The following UBE3D variants were observed in gnomAD, a reference collection of about 807,000 sequenced individuals.
UBE3D encodes ubiquitin protein ligase E3D, also known as E3 ubiquitin-protein ligase E3D.
A neutral mutation model predicts 49.6 loss-of-function variants in UBE3D; 48 were observed. The observed-to-expected ratio is 0.97, with a 90% CI of 0.77 to 1.23. The LOEUF is 1.23. Ranked by LOEUF, UBE3D falls within the 50% of genes most tolerant of loss-of-function variation. The probability of loss-of-function intolerance (pLI) is 0.00; values close to 1 mark genes in which losing one functional copy is unlikely to be tolerated. For synonymous variants in UBE3D, 189 were observed against 174.2 expected (o/e 1.08, Z -0.67); for missense variants, 452 against 468.4 (o/e 0.96, Z 0.32).
intron 8 of UBE3D, among the ~76,000 whole-genome samples, chr6:82,964,299 G>C (rs774947346): frequency 1.8e-4 from 28 of 152,142 alleles, no homozygotes; most frequent in African/African-American, 6.5e-4. Flanking sequence ...TAAATAGAAA[G>C]GTGATATAGT....
chr6:83,006,395 A>AGGTC (rs1000418849), intron 8 of UBE3D, among the ~76,000 whole-genome samples: 2 of 152,146 alleles, frequency 1.3e-5, no homozygotes, highest in African/African-American at 2.4e-5. Flanking sequence ...TGGAGATAGG[A>AGGTC]GGTCATTAAG....
At chr6:82,946,906 C>T (rs1775447368) in intron 9 of UBE3D, among the ~76,000 whole-genome samples, 1 of 148,808 alleles carries the variant, frequency 6.7e-6, no homozygotes, top group East Asian at 2.0e-4. Flanking sequence ...AATCATACAA[C>T]AGGCACAGAA....
chr6:82,905,069 A>G (rs1251982397), intron 9 of UBE3D, among the ~76,000 whole-genome samples: 2 of 152,176 alleles, frequency 1.3e-5, no homozygotes, highest in African/African-American at 4.8e-5. Context: ...TTCAACTCTG[A>G]ATCCAGGATT....
At chr6:83,050,735 T>C (rs1350582957) in intron 3 of UBE3D, among the ~76,000 whole-genome samples, 4 of 152,220 alleles carry the variant, frequency 2.6e-5, no homozygotes, top group African/African-American at 9.6e-5. Context: ...CATGTGCAGT[T>C]ACTTAAGGAA....
At chr6:83,031,959 G>C (rs1258294421) in intron 5 of UBE3D, among the ~76,000 whole-genome samples, 3 of 152,212 alleles carry the variant, frequency 2.0e-5, no homozygotes, top group African/African-American at 7.2e-5. Flanking sequence ...CCTCCACCAA[G>C]ATTTCTGAGA....
chr6:82,903,252 G>A (rs1771866611), intron 9 of UBE3D, among the ~76,000 whole-genome samples: 1 of 152,032 alleles, frequency 6.6e-6, no homozygotes. Flanking sequence ...CTCCCAAAGT[G>A]CTGGAATTAA....
At chr6:82,947,580 C>T (rs540824429) in intron 9 of UBE3D, among the ~76,000 whole-genome samples, 1 of 152,006 alleles carries the variant, frequency 6.6e-6, no homozygotes, top group Non-Finnish European at 1.5e-5. Flanking sequence ...CTTCTCAGCA[C>T]ACAGATCATT....
rs150365567 is a variant in UBE3D at position 83,021,065 on chromosome 6, C to T, written c.846+1388G>A. Among the ~76,000 whole-genome samples the T allele has an allele frequency of 2.2e-3, 336 of 152,222 alleles. 1 individual carries two copies. The highest frequency in any genetic ancestry group is 7.8e-3 in the African/African-American group (326 of 41,544). ...CTAGTGGTACATGCTGGGATGATTG[C>T]TAGCCACAGAGCCTCTTCCTCAAAA... is the stretch of plus-strand genomic sequence containing the variant. On this transcript the variant is annotated intron_variant, in intron 7 of 9. Coordinates refer to ENST00000369747, the MANE Select transcript of UBE3D (RefSeq NM_198920.3).
intron 8 of UBE3D, among the ~76,000 whole-genome samples, chr6:83,003,199 A>G (rs1203358386): frequency 6.6e-6 from 1 of 152,186 alleles, no homozygotes; most frequent in Admixed American, 6.5e-5. Flanking sequence ...CATAGAACAG[A>G]GAAGAAACAA....
intron 9 of UBE3D, among the ~76,000 whole-genome samples, chr6:82,946,748 AG>A (rs2127761896): frequency 6.6e-6 from 1 of 152,280 alleles, no homozygotes; most frequent in South Asian, 2.1e-4. Flanking sequence ...AAAATTAAAA[AG>A]TTAATTAAAA....
downstream of UBE3D, among the ~76,000 whole-genome samples, chr6:82,890,180 C>A (rs1243642357): frequency 6.6e-6 from 1 of 152,054 alleles, no homozygotes; most frequent in Non-Finnish European, 1.5e-5. Flanking sequence ...GTAGCCCTCC[C>A]AGCATGGTTT....
At chr6:82,938,107 T>A (rs1774727479) in intron 9 of UBE3D, 1 of 152,186 alleles carries the variant, frequency 6.6e-6, no homozygotes, top group African/African-American at 2.4e-5. Flanking sequence ...AGGAATACAG[T>A]TATATTATGC....
chr6:82,908,909 C>A (rs1267479679), intron 9 of UBE3D, among the ~76,000 whole-genome samples: 1 of 152,160 alleles, frequency 6.6e-6, no homozygotes, highest in Non-Finnish European at 1.5e-5. Context: ...TGGAGCAGGG[C>A]CTGGCTCAGG....
At chr6:83,059,714 G>A (rs567523115) in intron 1 of UBE3D, among the ~76,000 whole-genome samples, 10 of 152,242 alleles carry the variant, frequency 6.6e-5, no homozygotes, top group African/African-American at 2.4e-4. Flanking sequence ...CAGTGGCCCA[G>A]CACGGATTTG....
intron 9 of UBE3D, among the ~76,000 whole-genome samples, chr6:82,927,143 AAAGATCAGTTG>A (rs1773812361): frequency 6.6e-6 from 1 of 151,996 alleles, no homozygotes; most frequent in Non-Finnish European, 1.5e-5. Flanking sequence ...CTTCTCTGTC[AAAGATCAGTTG>A]ACCATATTTT....
intron 3 of UBE3D, among the ~76,000 whole-genome samples, chr6:83,046,490 G>A (rs1037812365): frequency 2.0e-5 from 3 of 152,106 alleles, no homozygotes; most frequent in South Asian, 2.1e-4. Flanking sequence ...TTCTTTCAAC[G>A]TACATTTCCT....
At chr6:83,022,362 C>T in intron 7 of UBE3D, 91 bp downstream of exon 7, 1 of 859,222 alleles carries the variant, frequency 1.2e-6, no homozygotes, top group Non-Finnish European at 1.7e-6. Context: ...TTTTCCACAC[C>T]TGAGAATTAA....
At chr6:82,964,703 A>G (rs1405927306) in intron 8 of UBE3D, among the ~76,000 whole-genome samples, 1 of 152,204 alleles carries the variant, frequency 6.6e-6, no homozygotes, top group African/African-American at 2.4e-5. Context: ...TTTTATAAAC[A>G]TTCACCTATT....
At chr6:82,905,353 A>T (rs765759632) in intron 9 of UBE3D, among the ~76,000 whole-genome samples, 14 of 152,028 alleles carry the variant, frequency 9.2e-5, no homozygotes, top group Non-Finnish European at 1.6e-4. Context: ...TGTTACGGTG[A>T]TCTATGATCA....
Sources: allele counts gnomAD v4.1 joint callset (sites outside exome capture counted in the v4.1 genomes callset), GRCh38; gene constraint gnomAD v4.1.1; transcripts MANE v1.5; gene names NCBI Gene and HGNC (gene_info 2026-07-23, HGNC 2026-07-21).